The following TMEM192 variants were observed in gnomAD, a reference collection of about 807,000 sequenced individuals.
The protein encoded by TMEM192 is transmembrane protein 192.
Under a neutral mutation model 26.7 loss-of-function variants are expected in TMEM192, and 20 were observed. The observed-to-expected ratio is 0.75, with a 90% CI of 0.53 to 1.09. The LOEUF (loss-of-function observed/expected upper bound fraction) is 1.09, where lower values mean the gene tolerates loss of function less well. Ranked by LOEUF, TMEM192 falls within the 50% of genes least tolerant of loss-of-function variation. The pLI is 0.00. For missense variants in TMEM192, 304 were observed against 322.6 expected (o/e 0.94, Z 0.44); for synonymous variants, 124 against 121.0 (o/e 1.02, Z -0.16).
intron 5 of TMEM192, among the ~76,000 whole-genome samples, chr4:165,082,986 C>T (rs140302345): frequency 0.2 from 8,039 of 39,286 alleles, 3,483 homozygotes; most frequent in East Asian, 0.32. Context: ...GCACCCGCCT[C>T]GGCCTCACAA....
chr4:165,096,537 TCTC>T (rs1734908097), intron 3 of TMEM192, among the ~76,000 whole-genome samples: 1 of 151,926 alleles, frequency 6.6e-6, no homozygotes, highest in Non-Finnish European at 1.5e-5. Context: ...TTTTTTTTCT[TCTC>T]TGGAAAATAA....
intron 2 of TMEM192, 68 bp from the exon 3 acceptor site, chr4:165,100,960 C>T (rs923712730): frequency 2.4e-5 from 32 of 1,322,188 alleles, no homozygotes; most frequent in Admixed American, 2.0e-4. Flanking sequence ...ACTACCATCC[C>T]AGCATACATT....
intron 1 of TMEM192, among the ~76,000 whole-genome samples, chr4:165,105,021 A>G (rs2110793895): frequency 6.6e-6 from 1 of 152,262 alleles, no homozygotes; most frequent in East Asian, 1.9e-4. Flanking sequence ...AGAAGGGGCA[A>G]TTCCCACCAC....
At chr4:165,103,274 AAATT>A (rs1195737064) in intron 1 of TMEM192, among the ~76,000 whole-genome samples, 178 bp from the exon 2 acceptor site, 20 of 152,088 alleles carry the variant, frequency 1.3e-4, no homozygotes, top group South Asian at 4.1e-4. Flanking sequence ...ATTAATTAAA[AAATT>A]AATTAATTTT....
intron 4 of TMEM192, among the ~76,000 whole-genome samples, chr4:165,086,575 C>A (rs1734621040): frequency 6.6e-6 from 1 of 152,006 alleles, no homozygotes; most frequent in Non-Finnish European, 1.5e-5. Flanking sequence ...GCGTGCACCA[C>A]CACACCCAGC....
intron 4 of TMEM192, among the ~76,000 whole-genome samples, chr4:165,087,409 G>A (rs1734645097): frequency 2.0e-5 from 3 of 152,174 alleles, no homozygotes; most frequent in Admixed American, 2.0e-4. Flanking sequence ...ACTGATGACT[G>A]ACTGATCACC....
rs1026616302 is a variant in TMEM192, at chr4:165,077,614, A to T, written c.*2044T>A. The T allele has an allele frequency of 2.0e-5, 3 of 152,174 alleles. No individual in the cohort carries two copies. The highest frequency in any genetic ancestry group is 1.3e-4 in the Admixed American group (2 of 15,256). The allele number at this position is 152,174 out of a possible 1,614,324, so 9.4% of individuals were successfully genotyped here. Reference sequence around the variant, plus strand: ...ACAAAAATTAGCCAGGCATGGTGGCATGTGCCTGTAATCCCAGCTACTCAG... The same window carrying T: ...ACAAAAATTAGCCAGGCATGGTGGCTTGTGCCTGTAATCCCAGCTACTCAG... On this transcript the variant is annotated 3_prime_UTR_variant, in exon 6 of 6. Coordinates refer to ENST00000306480, the MANE Select transcript of TMEM192 (RefSeq NM_001100389.2).
intron 1 of TMEM192, among the ~76,000 whole-genome samples, chr4:165,108,816 T>A (rs918700305): frequency 6.6e-6 from 1 of 152,098 alleles, no homozygotes; most frequent in Non-Finnish European, 1.5e-5. Context: ...GGGTGCTCTG[T>A]CTTGTGAACT....
At chr4:165,110,779 A>G (rs1348477044) in intron 1 of TMEM192, among the ~76,000 whole-genome samples, 1 of 152,230 alleles carries the variant, frequency 6.6e-6, no homozygotes, top group Non-Finnish European at 1.5e-5. Context: ...TGTCACTTCA[A>G]TGCCTTGAGA....
At chr4:165,080,341 C>G (rs1167538189) in intron 5 of TMEM192, among the ~76,000 whole-genome samples, 1 of 152,140 alleles carries the variant, frequency 6.6e-6, no homozygotes, top group African/African-American at 2.4e-5. Context: ...TCCTACACTA[C>G]TGCCCCAACC....
chr4:165,096,946 A>G (rs909482766), intron 3 of TMEM192, among the ~76,000 whole-genome samples: 2 of 105,764 alleles, frequency 1.9e-5, no homozygotes, highest in African/African-American at 7.3e-5. Flanking sequence ...TTTGTAGTTT[A>G]AAATTAAGTT....
chr4:165,112,718 C>A (rs1405333577), intron 1 of TMEM192, 29 bp downstream of exon 1: 2 of 1,608,312 alleles, frequency 1.2e-6, no homozygotes, highest in East Asian at 2.2e-5. Flanking sequence ...GATTCCGGGG[C>A]CAACCGCCCG....
chr4:165,080,074 AGAGT>A (rs1289176726), intron 5 of TMEM192, among the ~76,000 whole-genome samples: 2 of 152,232 alleles, frequency 1.3e-5, no homozygotes, highest in African/African-American at 2.4e-5. Flanking sequence ...CTAATTTGTT[AGAGT>A]AAGATAATTG....
rs11947284 is a variant in TMEM192, at chr4:165,088,193, G to A, written c.574+275C>T. Among the ~76,000 whole-genome samples the A allele has an allele frequency of 3.2e-3, 484 of 152,268 alleles. 3 individuals are homozygous for A. Among genetic ancestry groups the A allele is most frequent in the African/African-American group, 0.011 (445 of 41,534 alleles). On this transcript the variant is annotated intron_variant, in intron 4 of 5. Transcript: ENST00000306480. Reference sequence around the variant, plus strand: ...CCCAAAGAGCTGGGATTACAGGCTTGAGCCACCATTCCCAGCCCAAAAAGT... The same window carrying A: ...CCCAAAGAGCTGGGATTACAGGCTTAAGCCACCATTCCCAGCCCAAAAAGT...
chr4:165,097,402 G>C (rs1489499610), intron 3 of TMEM192, among the ~76,000 whole-genome samples: 1 of 150,878 alleles, frequency 6.6e-6, no homozygotes, highest in African/African-American at 2.4e-5. Flanking sequence ...GCTGAGGCAG[G>C]AGAATGGCCT....
chr4:165,100,618 T>G lies in TMEM192; in HGVS notation c.439+10A>C. 6.2e-7 allele frequency: 1 copy of G among 1,605,784 alleles called. No homozygotes were observed. Among genetic ancestry groups the G allele is most frequent in the Non-Finnish European group, 8.5e-7 (1 of 1,175,944 alleles). ...AAGCACCCAAGTAGCTGAGAGAAAA[T>G]TGGACATACCAGAGGACTGTATCAT... On this transcript the variant is annotated intron_variant, in intron 3 of 5. Coordinates refer to ENST00000306480, the MANE Select transcript of TMEM192 (RefSeq NM_001100389.2).
rs572775563 is a variant in TMEM192 at position 165,082,166 on chromosome 4, C to T, written c.678-2370G>A. ...TATATTTTTAGTAGAGATGGGGTTT[C>T]AGCACGTTGACCAGGCTGGTCTTAA... On this transcript the variant is annotated intron_variant, in intron 5 of 5. Coordinates refer to ENST00000306480, the MANE Select transcript of TMEM192 (RefSeq NM_001100389.2). Among the ~76,000 whole-genome samples, 87 of 37,614 alleles carry T rather than the reference C, an allele frequency of 2.3e-3. 30 individuals are homozygous for T. The highest frequency in any genetic ancestry group is 4.0e-3 in the African/African-American group (84 of 20,922). The allele number at this position is 37,614 out of a possible 152,430, so 24.7% of individuals were successfully genotyped here. A position where few individuals can be genotyped will look rare whatever the true frequency, so the allele number is the denominator to read the frequency against.
intron 3 of TMEM192, among the ~76,000 whole-genome samples, chr4:165,096,971 A>C (rs371942215): frequency 1.7e-5 from 2 of 114,724 alleles, no homozygotes; most frequent in African/African-American, 6.5e-5. Flanking sequence ...CTTTTTTTTT[A>C]ATCTTTGTGT....
chr4:165,104,492 A>C (rs1324401779), intron 1 of TMEM192, among the ~76,000 whole-genome samples: 1 of 152,124 alleles, frequency 6.6e-6, no homozygotes, highest in African/African-American at 2.4e-5. Context: ...TTCCAGTAGC[A>C]GGTATTCAAC....
Sources: gnomAD v4.1 joint callset for allele counts (sites outside exome capture counted in the v4.1 genomes callset) on GRCh38, gnomAD v4.1.1 for gene constraint, MANE v1.5 for transcripts, NCBI Gene and HGNC (gene_info 2026-07-23, HGNC 2026-07-21) for gene names.